ULK4: variants seen among roughly 807,000 people sequenced by gnomAD.
The protein encoded by ULK4 is unc-51 like kinase 4.
In ULK4, 133 loss-of-function variants were observed where a neutral mutation model predicts 160.6. That is an observed-to-expected ratio of 0.83 (90% CI 0.72 to 0.96). ULK4 has a LOEUF of 0.96. Among genes scored for constraint, ULK4 ranks in the 40% least tolerant of loss-of-function variants. The pLI is 0.00. For synonymous variants in ULK4, 534 were observed against 539.8 expected (o/e 0.99, Z 0.15); for missense variants, 1,580 against 1,499.5 (o/e 1.05, Z -0.89).
chr3:41,394,468 C>T (rs72866664), intron 35 of ULK4, among the ~76,000 whole-genome samples: 3,900 of 152,138 alleles, frequency 0.026, 162 homozygotes, highest in African/African-American at 0.087. Context: ...GCCCAGCATA[C>T]CTTAAATGTG....
At chr3:41,526,316 G>A (rs1337389679) in intron 32 of ULK4, among the ~76,000 whole-genome samples, 1 of 152,182 alleles carries the variant, frequency 6.6e-6, no homozygotes, top group African/African-American at 2.4e-5. Flanking sequence ...TGCTGAAGAA[G>A]TGTGGAGAGG....
At chr3:41,871,540 T>C (rs1282344022) in intron 17 of ULK4, among the ~76,000 whole-genome samples, 3 of 152,234 alleles carry the variant, frequency 2.0e-5, no homozygotes, top group South Asian at 2.1e-4. Flanking sequence ...GCCACTATTA[T>C]ATTGCTTTAA....
rs143356518 is a variant in ULK4, at chr3:41,371,793, G to C, written c.3678+26286C>G. ...GGAAACAAAACTGGATGGAGAACGA[G>C]TTTGATGAATTGACAGAAGTAGGCT... On this transcript the variant is annotated intron_variant, in intron 35 of 36. Coordinates refer to ENST00000301831, the MANE Select transcript of ULK4 (RefSeq NM_017886.4). Among the ~76,000 whole-genome samples, 659 of 152,112 alleles carry C rather than the reference G, an allele frequency of 4.3e-3. 3 individuals are homozygous for C. The highest frequency in any genetic ancestry group is 6.8e-3 in the Middle Eastern group (2 of 294).
At chr3:41,828,701 G>A (rs1395863129) in intron 18 of ULK4, among the ~76,000 whole-genome samples, 3 of 151,678 alleles carry the variant, frequency 2.0e-5, no homozygotes, top group Non-Finnish European at 2.9e-5. Context: ...AATCAGTATC[G>A]TGAAAATGGC....
At chr3:41,840,437 G>A (rs527458258) in intron 17 of ULK4, among the ~76,000 whole-genome samples, 3 of 152,214 alleles carry the variant, frequency 2.0e-5, no homozygotes, top group East Asian at 1.9e-4. Context: ...CTGTACTGCC[G>A]TGGTCTCAGC....
chr3:41,621,981 C>T (rs2033263830), intron 30 of ULK4, among the ~76,000 whole-genome samples: 1 of 152,182 alleles, frequency 6.6e-6, no homozygotes, highest in Non-Finnish European at 1.5e-5. Context: ...CAAAAGAAGA[C>T]ATTTACGTGG....
intron 21 of ULK4, among the ~76,000 whole-genome samples, chr3:41,773,916 C>T (rs1026623004): frequency 9.2e-5 from 14 of 152,086 alleles, no homozygotes; most frequent in African/African-American, 3.1e-4. Flanking sequence ...GAAATAATGC[C>T]GCATATCTAC....
chr3:41,955,065 G>A (rs1284970724), intron 1 of ULK4, among the ~76,000 whole-genome samples: 2 of 152,114 alleles, frequency 1.3e-5, no homozygotes, highest in African/African-American at 4.8e-5. Context: ...CCGAGGCAGG[G>A]GGATCACCTG....
At chr3:41,639,878 C>A (rs17059845) in intron 30 of ULK4, among the ~76,000 whole-genome samples, 9,333 of 152,172 alleles carry the variant, frequency 0.061, 970 homozygotes, top group African/African-American at 0.21. Flanking sequence ...AATTTGAAGA[C>A]TATTTCCTTT....
intron 30 of ULK4, among the ~76,000 whole-genome samples, chr3:41,648,129 C>A (rs2034591348): frequency 6.6e-6 from 1 of 152,314 alleles, no homozygotes; most frequent in East Asian, 1.9e-4. Flanking sequence ...AGAGGGAACT[C>A]CCTGACCCCT....
intron 31 of ULK4, among the ~76,000 whole-genome samples, chr3:41,608,089 C>T (rs141200325): frequency 2.2e-3 from 331 of 152,278 alleles, no homozygotes; most frequent in African/African-American, 7.6e-3. Context: ...TATGTAATAA[C>T]TTGCCCCTAT....
At position 41,897,013 on chromosome 3, in the gene ULK4, A is replaced by G. The variant is rs1247133313; in HGVS notation, c.1349-10T>C. ...AATAATAACTTATCCACTGCGATGG[A>G]AAGAAAATAATAAAAGTACATATGA... On this transcript the variant is annotated splice_polypyrimidine_tract_variant and intron_variant, in intron 14 of 36. Coordinates refer to ENST00000301831, the MANE Select transcript of ULK4 (RefSeq NM_017886.4). The G allele has an allele frequency of 2.5e-6, 4 of 1,594,418 alleles. No individual in the cohort carries two copies. Among genetic ancestry groups the G allele is most frequent in the East Asian group, 2.2e-5 (1 of 44,720 alleles).
At chr3:41,656,321 G>A (rs1013328183) in intron 30 of ULK4, among the ~76,000 whole-genome samples, 3 of 152,022 alleles carry the variant, frequency 2.0e-5, no homozygotes, top group East Asian at 3.9e-4. Flanking sequence ...TCCAGGGGGA[G>A]GGAATTTAGG....
At chr3:41,372,159 C>A (rs2081382588) in intron 35 of ULK4, among the ~76,000 whole-genome samples, 1 of 152,018 alleles carries the variant, frequency 6.6e-6, no homozygotes, top group Non-Finnish European at 1.5e-5. Context: ...AAGACCAAAC[C>A]TACATTTGAT....
At chr3:41,926,202 G>T (rs1327938060) in intron 5 of ULK4, among the ~76,000 whole-genome samples, 4 of 152,176 alleles carry the variant, frequency 2.6e-5, no homozygotes, top group Non-Finnish European at 4.4e-5. Flanking sequence ...TGATATCCAG[G>T]CAAACAGGGT....
At chr3:41,417,497 A>G (rs1016112696) in intron 34 of ULK4, among the ~76,000 whole-genome samples, 3 of 152,192 alleles carry the variant, frequency 2.0e-5, no homozygotes, top group Non-Finnish European at 4.4e-5. Context: ...GGCTGGGGTT[A>G]GCCTAGTATA....
intron 25 of ULK4, among the ~76,000 whole-genome samples, chr3:41,713,696 T>C (rs978959889): frequency 3.9e-5 from 6 of 152,074 alleles, no homozygotes; most frequent in African/African-American, 1.2e-4. Flanking sequence ...GGTGCCTATA[T>C]TGAAAAGACC....
chr3:41,295,841 G>C (rs181814425), intron 35 of ULK4, among the ~76,000 whole-genome samples: 3 of 152,156 alleles, frequency 2.0e-5, no homozygotes, highest in African/African-American at 7.2e-5. Flanking sequence ...ATGCAAAACG[G>C]TCCATCCACT....
intron 2 of ULK4, among the ~76,000 whole-genome samples, chr3:41,943,798 AC>A (rs1385168058): frequency 6.6e-6 from 1 of 151,326 alleles, no homozygotes; most frequent in Non-Finnish European, 1.5e-5. Flanking sequence ...CATGATCCCA[AC>A]CCCCCTCAAA....
Sources: allele counts gnomAD v4.1 joint callset (sites outside exome capture counted in the v4.1 genomes callset), GRCh38; gene constraint gnomAD v4.1.1; transcripts MANE v1.5; gene names NCBI Gene and HGNC (gene_info 2026-07-23, HGNC 2026-07-21).